ACVR1C: variants seen among roughly 807,000 people sequenced by gnomAD.
ACVR1C encodes activin A receptor type 1C.
Under a neutral mutation model 57.9 loss-of-function variants are expected in ACVR1C, and 23 were observed. The ratio of observed to expected loss-of-function variants is 0.40; its 90% CI spans 0.29 to 0.56. ACVR1C has a LOEUF of 0.56. Ranked by LOEUF, ACVR1C falls within the 20% of genes least tolerant of loss-of-function variation. ACVR1C has a pLI of 0.50. For synonymous variants in ACVR1C, 214 were observed against 215.3 expected (o/e 0.99, Z 0.05); for missense variants, 480 against 607.9 (o/e 0.79, Z 2.21).
intron 2 of ACVR1C, among the ~76,000 whole-genome samples, chr2:157,557,401 T>A (rs1688130765): frequency 6.6e-6 from 1 of 152,192 alleles, no homozygotes; most frequent in Non-Finnish European, 1.5e-5. Flanking sequence ...TGGTGTTGGC[T>A]GACAACCTTA....
intron 1 of ACVR1C, among the ~76,000 whole-genome samples, chr2:157,610,247 C>A (rs1330510771): frequency 6.6e-6 from 1 of 152,012 alleles, no homozygotes; most frequent in Non-Finnish European, 1.5e-5. Context: ...GTGATAAATT[C>A]CCTCAGCATT....
chr2:157,557,528 C>G (rs529697675), intron 2 of ACVR1C, among the ~76,000 whole-genome samples: 28 of 152,130 alleles, frequency 1.8e-4, no homozygotes, highest in African/African-American at 5.3e-4. Flanking sequence ...TATTGATTAC[C>G]CAATTCCCTC....
intron 2 of ACVR1C, among the ~76,000 whole-genome samples, chr2:157,568,932 T>C (rs368605722): frequency 2.6e-5 from 1 of 37,870 alleles, no homozygotes; most frequent in African/African-American, 1.1e-4. Flanking sequence ...CCACACCACA[T>C]CTATTCCAAA....
At chr2:157,580,473 T>G (rs555634985) in intron 2 of ACVR1C, among the ~76,000 whole-genome samples, 3 of 152,366 alleles carry the variant, frequency 2.0e-5, no homozygotes, top group East Asian at 3.9e-4. Flanking sequence ...TCCAGATGGA[T>G]AGATAATTAT....
At chr2:157,563,499 C>T (rs745536343) in intron 2 of ACVR1C, among the ~76,000 whole-genome samples, 2 of 152,196 alleles carry the variant, frequency 1.3e-5, no homozygotes, top group South Asian at 2.1e-4. Flanking sequence ...ATTTCATGCT[C>T]ATGGATAGGA....
At chr2:157,557,425 T>G (rs564936157) in intron 2 of ACVR1C, among the ~76,000 whole-genome samples, 1 of 152,300 alleles carries the variant, frequency 6.6e-6, no homozygotes, top group East Asian at 1.9e-4. Context: ...AAAATAGCAC[T>G]TATTTCCCAT....
intron 2 of ACVR1C, among the ~76,000 whole-genome samples, chr2:157,572,972 G>C (rs77101210): frequency 0.064 from 9,663 of 152,118 alleles, 465 homozygotes; most frequent in East Asian, 0.24. Flanking sequence ...TTCCTGACTA[G>C]AGCAATGAAT....
chr2:157,572,923 G>A (rs907423240), intron 2 of ACVR1C, among the ~76,000 whole-genome samples: 5 of 152,178 alleles, frequency 3.3e-5, no homozygotes, highest in Admixed American at 3.3e-4. Context: ...ATTCCACAAG[G>A]GGTCCAGTGA....
Position 157,529,802 on chromosome 2 carries a change from A to T in ACVR1C, c.*4116T>A, listed in dbSNP as rs1687315328. ...ATAATGAAATATAAAGCAAGGCTAG[A>T]TGAAAAAAAGAAAGTCAAATATCTA... On this transcript the variant is annotated 3_prime_UTR_variant, in exon 9 of 9. Transcript: ENST00000243349. The T allele has an allele frequency of 6.6e-6, 1 of 152,216 alleles. No individual in the cohort carries two copies. Among genetic ancestry groups the T allele is most frequent in the African/African-American group, 2.4e-5 (1 of 41,574 alleles). The allele number at this position is 152,216 out of a possible 1,614,324, so 9.4% of individuals were successfully genotyped here. A position where few individuals can be genotyped will look rare whatever the true frequency, so the allele number is the denominator to read the frequency against.
intron 1 of ACVR1C, among the ~76,000 whole-genome samples, chr2:157,615,767 T>C (rs1308575102): frequency 6.6e-6 from 1 of 152,184 alleles, no homozygotes; most frequent in Non-Finnish European, 1.5e-5. Context: ...TGTCACTTTA[T>C]TGCAATAGGA....
chr2:157,594,370 ATTCTC>A (rs1682032322), intron 1 of ACVR1C, among the ~76,000 whole-genome samples: 1 of 151,924 alleles, frequency 6.6e-6, no homozygotes. Flanking sequence ...TTGTGTCACA[ATTCTC>A]AATATAAGTG....
chr2:157,594,769 A>G (rs1376178549), intron 1 of ACVR1C, among the ~76,000 whole-genome samples: 2 of 152,174 alleles, frequency 1.3e-5, no homozygotes, highest in Admixed American at 1.3e-4. Context: ...ATAGCACCAC[A>G]CTTCAGCAAT....
intron 1 of ACVR1C, among the ~76,000 whole-genome samples, chr2:157,609,146 A>T (rs1682473208): frequency 6.6e-6 from 1 of 151,628 alleles, no homozygotes; most frequent in African/African-American, 2.4e-5. Flanking sequence ...GCTATATCCC[A>T]CAGGTTTTGA....
At chr2:157,611,302 G>C (rs913787173) in intron 1 of ACVR1C, among the ~76,000 whole-genome samples, 6 of 152,184 alleles carry the variant, frequency 3.9e-5, no homozygotes, top group African/African-American at 1.4e-4. Context: ...CAGCATCAGT[G>C]GTATCTGTGA....
chr2:157,628,547 G>C lies in ACVR1C; in HGVS notation c.73+25C>G, dbSNP rs550608289. 2.5e-4 allele frequency: 400 copies of C among 1,603,262 alleles called. 6 individuals are homozygous for C. In the South Asian group the frequency reaches 3.8e-3, roughly 15 times the overall value. The stretch of plus-strand genomic sequence containing the variant: ...CCTCCCAGCTCCCACCCTCGCGGGC[G>C]TCGGGAGAGAAACCAGCACCGTACC... On this transcript the variant is annotated intron_variant, in intron 1 of 8. Transcript: ENST00000243349.
chr2:157,584,408 A>C (rs1404773490), intron 2 of ACVR1C, among the ~76,000 whole-genome samples: 1 of 152,176 alleles, frequency 6.6e-6, no homozygotes, highest in African/African-American at 2.4e-5. Flanking sequence ...CTGACCAAAA[A>C]AACTCAATTT....
intron 2 of ACVR1C, among the ~76,000 whole-genome samples, chr2:157,580,413 G>A (rs1688762513): frequency 6.6e-6 from 1 of 152,006 alleles, no homozygotes; most frequent in South Asian, 2.1e-4. Context: ...TAATCAAGCT[G>A]TAATTTATTT....
intron 1 of ACVR1C, among the ~76,000 whole-genome samples, chr2:157,615,335 A>G (rs937744161): frequency 6.7e-6 from 1 of 149,316 alleles, no homozygotes; most frequent in Non-Finnish European, 1.5e-5. Context: ...AAAAAAAAAC[A>G]CAAAAAGTAG....
chr2:157,567,217 C>A (rs1181515830), intron 2 of ACVR1C, among the ~76,000 whole-genome samples: 1 of 94,196 alleles, frequency 1.1e-5, no homozygotes, highest in African/African-American at 5.0e-5. Context: ...CCCATCTGTA[C>A]ATCACCATCA....
Sources: gnomAD v4.1 joint callset for allele counts (sites outside exome capture counted in the v4.1 genomes callset) on GRCh38, gnomAD v4.1.1 for gene constraint, MANE v1.5 for transcripts, NCBI Gene and HGNC (gene_info 2026-07-23, HGNC 2026-07-21) for gene names.